The following CRELD1 variants were observed in gnomAD, a reference collection of about 807,000 sequenced individuals.
The protein encoded by CRELD1 is protein disulfide isomerase CRELD1.
In CRELD1, 42 loss-of-function variants were observed where a neutral mutation model predicts 58.2. The ratio of observed to expected loss-of-function variants is 0.72; its 90% CI spans 0.56 to 0.93. The LOEUF is 0.93. Among genes scored for constraint, CRELD1 ranks in the 40% least tolerant of loss-of-function variants. CRELD1 has a pLI of 0.00. For missense variants in CRELD1, 500 were observed against 540.6 expected (o/e 0.92, Z 0.74); for synonymous variants, 222 against 202.0 (o/e 1.10, Z -0.84).
chr3:9,940,122 G>C (rs1435025660), intron 5 of CRELD1, among the ~76,000 whole-genome samples: 1 of 152,230 alleles, frequency 6.6e-6, no homozygotes, highest in East Asian at 1.9e-4. Context: ...CGGCCGGGCA[G>C]AGACGCTCCT....
intron 10 of CRELD1, 116 bp downstream of exon 10, chr3:9,943,631 C>A (rs2085433095): frequency 4.4e-6 from 7 of 1,585,284 alleles, no homozygotes; most frequent in Non-Finnish European, 6.0e-6. Context: ...CCACCCAGCC[C>A]CCTGGAGGCT....
At chr3:9,941,303 TC>T in intron 7 of CRELD1, 97 bp downstream of exon 7, 1 of 1,060,564 alleles carries the variant, frequency 9.4e-7, no homozygotes, top group Non-Finnish European at 1.4e-6. Context: ...TAGCCTAGTC[TC>T]CACCTTCATG....
chr3:9,938,059 C>T lies in CRELD1; in HGVS notation c.413C>T (p.Ser138Phe). 2 of 1,614,022 alleles carry T rather than the reference C, an allele frequency of 1.2e-6. No homozygotes were observed. The highest frequency in any genetic ancestry group is 1.7e-4 in the Middle Eastern group (1 of 6,040). ...CTCTTCCAGTGGCTGTGCTCAGATT[C>T]CCTGAAGCTCTGCTGCCCCGCAGGC... ...PDLFQWLCSD[S>F]LKLCCPAGTF... is the part of the protein sequence containing the mutation. The change falls in exon 5 of 11, where the codon TCC (serine) becomes TTC (phenylalanine). Residue 138 changes from serine to phenylalanine, a missense_variant. Transcript: ENST00000452070.
rs2085130369 is a variant in CRELD1 at position 9,934,956 on chromosome 3, C to T, written c.257+39C>T. Reference sequence around the variant, plus strand: ...GGGGGAAGGGGTGTATATTCCCCTCCCCGCCAAATCTCTGCTCTGCTGGTG... The same window carrying T: ...GGGGGAAGGGGTGTATATTCCCCTCTCCGCCAAATCTCTGCTCTGCTGGTG... On this transcript the variant is annotated intron_variant, in intron 3 of 10. Transcript: ENST00000452070. 4 of 1,519,328 alleles carry T rather than the reference C, an allele frequency of 2.6e-6. No individual in the cohort carries two copies. The South Asian group carries it at 4.7e-5, about 18-fold the overall frequency. The allele number at this position is 1,519,328 out of a possible 1,614,324, so 94.1% of individuals were successfully genotyped here. A position where few individuals can be genotyped will look rare whatever the true frequency, so the allele number is the denominator to read the frequency against.
chr3:9,934,278 C>T (rs1305459646), intron 1 of CRELD1, 142 bp from the exon 2 acceptor site: 5 of 668,318 alleles, frequency 7.5e-6, no homozygotes, highest in African/African-American at 1.8e-5. Flanking sequence ...CCCATCCCCA[C>T]AGCCCCTGCA....
rs1211844857 is a variant in CRELD1, at chr3:9,942,892, C to T, written c.813C>T (p.Cys271=). 6.2e-7 allele frequency: 1 copy of T among 1,613,648 alleles called. No homozygotes were observed. The highest frequency in any genetic ancestry group is 8.5e-7 in the Non-Finnish European group (1 of 1,179,518). ...FCVNTEGSYE[C]RDCAKACLGC... Reference sequence around the variant, plus strand: ...TGAACACTGAGGGCTCCTATGAGTGCCGAGGTCAGTGTCTACTTCTGCAGA... The same window carrying T: ...TGAACACTGAGGGCTCCTATGAGTGTCGAGGTCAGTGTCTACTTCTGCAGA... The change falls in exon 8 of 11, where the codon TGC becomes TGT. Residue 271 remains cysteine, a synonymous_variant. Coordinates refer to ENST00000452070, the MANE Select transcript of CRELD1 (RefSeq NM_001077415.3).
intron 1 of CRELD1, 192 bp downstream of exon 1, chr3:9,934,112 C>T (rs1190884296): frequency 2.3e-6 from 1 of 427,104 alleles, no homozygotes; most frequent in Non-Finnish European, 4.3e-6. Flanking sequence ...CTCCCTAATT[C>T]TGCGGATCCG....
intron 5 of CRELD1, among the ~76,000 whole-genome samples, chr3:9,939,950 C>T (rs948278349): frequency 6.6e-6 from 1 of 151,318 alleles, no homozygotes; most frequent in Admixed American, 6.6e-5. Context: ...GGGCGGCTGG[C>T]CGGGCGGGGG....
intron 1 of CRELD1, 73 bp downstream of exon 1, chr3:9,933,993 C>T (rs902623041): frequency 1.3e-5 from 4 of 319,944 alleles, no homozygotes; most frequent in Non-Finnish European, 2.3e-5. Flanking sequence ...TGATCCCTTC[C>T]CTTCATATCC....
At chr3:9,940,787 A>AGAGGGAGAT in intron 5 of CRELD1, 63 bp from the exon 6 acceptor site, 1 of 1,229,630 alleles carries the variant, frequency 8.1e-7, no homozygotes, top group Non-Finnish European at 1.1e-6. Flanking sequence ...GAGAGGGAGA[A>AGAGGGAGAT]AATATTATCT....
chr3:9,934,007 T>A (rs1359948771), intron 1 of CRELD1, 87 bp downstream of exon 1: 10 of 307,502 alleles, frequency 3.3e-5, no homozygotes, highest in Non-Finnish European at 5.5e-5. Flanking sequence ...CATATCCGGA[T>A]CCGGGCTCCT....
chr3:9,936,471 A>ATG lies in CRELD1; in HGVS notation c.258-1081_258-1080dup, dbSNP rs549853350. On this transcript the variant is annotated intron_variant, in intron 3 of 10. Coordinates refer to ENST00000452070, the MANE Select transcript of CRELD1 (RefSeq NM_001077415.3). ...AATATTTATATATGTGTGTATATATATGTGTGTGTGTATATATATATGTGT... is the reference window on the plus strand; with the variant it reads ...AATATTTATATATGTGTGTATATATATGTGTGTGTGTGTATATATATATGTGT... Among the ~76,000 whole-genome samples, 1,312 of 151,958 alleles carry ATG rather than the reference A, an allele frequency of 8.6e-3. 6 individuals are homozygous for ATG. Among genetic ancestry groups the ATG allele is most frequent in the Middle Eastern group, 0.017 (5 of 292 alleles).
Position 9,933,879 on chromosome 3 carries a change from G to T in CRELD1, c.-61G>T. ...TGAGGAGACGGCCCACGGCGCCCGC[G>T]GGCTGGGGCGGTCGCTTCTTCCTTC... On this transcript the variant is annotated 5_prime_UTR_variant, in exon 1 of 11. Transcript: ENST00000452070. The T allele has an allele frequency of 2.1e-6, 1 of 475,016 alleles. No individual in the cohort carries two copies. Among genetic ancestry groups the T allele is most frequent in the Non-Finnish European group, 3.7e-6 (1 of 266,894 alleles). The allele number at this position is 475,016 out of a possible 1,614,324, so 29.4% of individuals were successfully genotyped here.
chr3:9,937,564 AG>A lies in CRELD1; in HGVS notation c.261del (p.Thr88ProfsTer4). On this transcript the variant is annotated frameshift_variant, in exon 4 of 11. Coordinates refer to ENST00000452070, the MANE Select transcript of CRELD1 (RefSeq NM_001077415.3). LOFTEE classifies it high-confidence loss of function. ...EENLSKYKDS[E>X]TRLVEVLEGV... is the part of the protein sequence containing the mutation. ...CCAGCCCTGCCCTGTCCGATCAGTG[AG>A]ACCCGCCTGGTAGAGGTGCTGGAGG... is the stretch of plus-strand genomic sequence containing the variant. 2 of 1,609,646 alleles carry A rather than the reference AG, an allele frequency of 1.2e-6. No homozygotes were observed. Among genetic ancestry groups the A allele is most frequent in the Non-Finnish European group, 1.7e-6 (2 of 1,178,298 alleles).
In CRELD1 at chr3:9,934,659, G is replaced by C. The variant is rs201654167; in HGVS notation, c.174+47G>C. ...TTAGAGGGGAACACAGCGATTTAGAGTGGGGAACTCTGGGATGCAAATCTG... is the reference window on the plus strand; with the variant it reads ...TTAGAGGGGAACACAGCGATTTAGACTGGGGAACTCTGGGATGCAAATCTG... On this transcript the variant is annotated intron_variant, in intron 2 of 10. Transcript: ENST00000452070. 10 of 1,599,102 alleles carry C rather than the reference G, an allele frequency of 6.3e-6. No individual in the cohort carries two copies. The South Asian group carries it at 8.8e-5, about 14-fold the overall frequency.
chr3:9,943,171 C>G lies in CRELD1; in HGVS notation c.912C>G (p.Leu304=), dbSNP rs79223485. The change falls in exon 9 of 11, where the codon CTC becomes CTG. Residue 304 remains leucine, a splice_region_variant and synonymous_variant. Transcript: ENST00000452070. ...ATCAGCAGGTGGGCTCCAAGTGTCT[C>G]GGTGAGTCTCCTGCTGATGGGACAC... is the stretch of plus-strand genomic sequence containing the variant. The part of the protein sequence containing the change: ...PGYQQVGSKC[L]DVDECETEVC... 1.2e-6 allele frequency: 2 copies of G among 1,612,102 alleles called. No homozygotes were observed.
chr3:9,943,131 A>T lies in CRELD1; in HGVS notation c.872A>T (p.Lys291Met). Residue 291 changes from lysine to methionine, a missense_variant, in exon 9 of 11, where the codon AAG (lysine) becomes ATG (methionine). Transcript: ENST00000452070. Reference protein sequence around the residue: ...CMGAGPGRCKKCSPGYQQVGS... With the variant: ...CMGAGPGRCKMCSPGYQQVGS... ...GGGGCAGGGCCAGGTCGCTGTAAGA[A>T]GTGTAGCCCTGGCTATCAGCAGGTG... 1 of 1,613,068 alleles carries T rather than the reference A, an allele frequency of 6.2e-7. No homozygotes were observed. The highest frequency in any genetic ancestry group is 8.5e-7 in the Non-Finnish European group (1 of 1,179,914).
At chr3:9,941,349 A>G (rs578042010) in intron 7 of CRELD1, 143 bp downstream of exon 7, 2 of 675,804 alleles carry the variant, frequency 3.0e-6, no homozygotes, top group South Asian at 3.7e-5. Flanking sequence ...CAGAAAAGTA[A>G]CCAGATACTT....
Position 9,942,825 on chromosome 3 carries a change from G to A in CRELD1, c.746G>A (p.Cys249Tyr). 1.2e-6 allele frequency: 2 copies of A among 1,613,910 alleles called. No individual in the cohort carries two copies. The highest frequency in any genetic ancestry group is 1.7e-6 in the Non-Finnish European group (2 of 1,179,748). The change falls in exon 8 of 11, where the codon TGT becomes TAT. Residue 249 changes from cysteine to tyrosine, a missense_variant. Cys to Tyr is a radical substitution (Grantham distance 194, BLOSUM62 -2). Transcript: ENST00000452070. ...HHLKCVDIDE[C>Y]GTEGANCGAD... is the part of the protein sequence containing the mutation. Reference sequence around the variant, plus strand: ...CACCTCTCTGCAGACATTGATGAGTGTGGCACAGAGGGAGCCAACTGTGGA... The same window carrying A: ...CACCTCTCTGCAGACATTGATGAGTATGGCACAGAGGGAGCCAACTGTGGA...
Sources: allele counts gnomAD v4.1 joint callset (sites outside exome capture counted in the v4.1 genomes callset), GRCh38; gene constraint gnomAD v4.1.1; transcripts MANE v1.5; gene names NCBI Gene and HGNC (gene_info 2026-07-23, HGNC 2026-07-21).